Variants in PLXNA4 observed in about 807,000 individuals in gnomAD.
The protein encoded by PLXNA4 is plexin-A4.
Under a neutral mutation model 191.8 loss-of-function variants are expected in PLXNA4, and 44 were observed. The observed-to-expected ratio is 0.23, with a 90% CI of 0.18 to 0.29. The LOEUF (loss-of-function observed/expected upper bound fraction) is 0.29. Among genes scored for constraint, PLXNA4 ranks in the 10% least tolerant of loss-of-function variants. The pLI is 1.00. For synonymous variants in PLXNA4, 1,082 were observed against 1,009.5 expected, an observed-to-expected ratio of 1.07 and a Z score of -1.36; for missense variants, 1,800 against 2,488.8, an observed-to-expected ratio of 0.72 and a Z score of 5.89.
intron 22 of PLXNA4, among the ~76,000 whole-genome samples, chr7:132,165,788 A>C (rs1452259768): frequency 1.3e-5 from 2 of 152,148 alleles, no homozygotes; most frequent in Non-Finnish European, 2.9e-5. Context: ...TGGCAGGAGA[A>C]GGGTTCCATG....
chr7:132,603,257 A>AT lies in PLXNA4; in HGVS notation c.-87+42670_-87+42671insA, dbSNP rs563529387. 6.0e-3 allele frequency among the ~76,000 whole-genome samples: 901 copies of AT among 149,294 alleles called. 7 individuals are homozygous for AT. Among genetic ancestry groups the AT allele is most frequent in the Middle Eastern group, 0.041 (12 of 290 alleles). ...TCTGTATTCTCTTTATTGAAAAAAA[A>AT]ATATCAAATGGACTGCAGAGATTAA... is the stretch of plus-strand genomic sequence containing the variant. On this transcript the variant is annotated intron_variant, in intron 2 of 4. Coordinates refer to the PLXNA4 transcript ENST00000378539.
In PLXNA4 at chr7:132,561,549, CCTCCTCCTT is replaced by C. The variant is rs1563172729; in HGVS notation, c.-87+14864_-87+14872del. Among the ~76,000 whole-genome samples the C allele has an allele frequency of 1.2e-3, 138 of 118,158 alleles. 2 individuals are homozygous for C. The highest frequency in any genetic ancestry group is 4.1e-3 in the African/African-American group (120 of 29,424). 77.5% of individuals were successfully genotyped at this position (118,158 alleles called of 152,430 possible). A position where few individuals can be genotyped will look rare whatever the true frequency, so the allele number is the denominator to read the frequency against. ...TCCTCCTCCTTCTCCTCCTCCTTCT[CCTCCTCCTT>C]CTCCTCCTCCTTTCCCCTCCTCCTC... On this transcript the variant is annotated intron_variant, in intron 1 of 31. Coordinates refer to ENST00000321063, the MANE Select transcript of PLXNA4 (RefSeq NM_020911.2).
chr7:132,538,177 G>A (rs1019357124), intron 1 of PLXNA4, among the ~76,000 whole-genome samples: 54 of 152,192 alleles, frequency 3.5e-4, no homozygotes, highest in African/African-American at 1.3e-3. Context: ...CTGCTTCCAC[G>A]AGCACCTGCA....
At chr7:132,188,711 A>G (rs1192177827) in intron 14 of PLXNA4, among the ~76,000 whole-genome samples, 1 of 152,042 alleles carries the variant, frequency 6.6e-6, no homozygotes, top group East Asian at 1.9e-4. Flanking sequence ...TGGCTCAACC[A>G]GAGACCAGGA....
At chr7:132,610,577 C>A (rs1803026163) in intron 2 of PLXNA4, among the ~76,000 whole-genome samples, 1 of 152,238 alleles carries the variant, frequency 6.6e-6, no homozygotes, top group Non-Finnish European at 1.5e-5. Flanking sequence ...TCTCTGCTGT[C>A]TGCAGCAACC....
At chr7:132,521,897 C>T (rs1368481250) in intron 1 of PLXNA4, among the ~76,000 whole-genome samples, 2 of 152,188 alleles carry the variant, frequency 1.3e-5, no homozygotes, top group African/African-American at 4.8e-5. Context: ...ATGCCCTCTT[C>T]CTTTTTCAGG....
At chr7:132,294,794 C>G (rs78595096) in intron 4 of PLXNA4, among the ~76,000 whole-genome samples, 2,288 of 152,230 alleles carry the variant, frequency 0.015, 52 homozygotes, top group African/African-American at 0.052. Flanking sequence ...GACTGGTGCT[C>G]TTAGAAGAAG....
chr7:132,271,845 TC>T (rs1370452655), intron 4 of PLXNA4, among the ~76,000 whole-genome samples: 1 of 151,834 alleles, frequency 6.6e-6, no homozygotes, highest in African/African-American at 2.4e-5. Context: ...AAGTAGAAAC[TC>T]TAAACTACAG....
chr7:132,143,441 C>G (rs2116554237), intron 29 of PLXNA4, among the ~76,000 whole-genome samples: 1 of 152,288 alleles, frequency 6.6e-6, no homozygotes, highest in African/African-American at 2.4e-5. Flanking sequence ...GTTTAGATAC[C>G]ATTGTAGGTG....
In PLXNA4 at chr7:132,469,222, G is replaced by A. The variant is rs180759521; in HGVS notation, c.1371+20070C>T. ...GCACAATGTCACGATGTAATACAAG[G>A]GCATGGGTTTTGGAGTCTGTGGATG... is the stretch of plus-strand genomic sequence containing the variant. On this transcript the variant is annotated intron_variant, in intron 3 of 31. Coordinates refer to ENST00000321063, the MANE Select transcript of PLXNA4 (RefSeq NM_020911.2). 6.4e-3 allele frequency among the ~76,000 whole-genome samples: 976 copies of A among 152,158 alleles called. 4 individuals are homozygous for A. The highest frequency in any genetic ancestry group is 0.021 in the South Asian group (100 of 4,808).
At chr7:132,466,580 G>A (rs1267534158) in intron 3 of PLXNA4, among the ~76,000 whole-genome samples, 1 of 152,310 alleles carries the variant, frequency 6.6e-6, no homozygotes, top group East Asian at 1.9e-4. Flanking sequence ...CCCCCTTCAC[G>A]CTGAGCCCCA....
chr7:132,305,358 AAGAAC>A (rs1246271981), intron 3 of PLXNA4, among the ~76,000 whole-genome samples: 5 of 139,576 alleles, frequency 3.6e-5, no homozygotes, highest in African/African-American at 1.4e-4. Flanking sequence ...GCAGCTTACC[AAGAAC>A]ACACACACAC....
intron 1 of PLXNA4, among the ~76,000 whole-genome samples, chr7:132,517,805 G>A: frequency 6.6e-6 from 1 of 152,216 alleles, no homozygotes; most frequent in East Asian, 1.9e-4. Context: ...AAGTGTGTGT[G>A]CAGCTGAGGG....
At chr7:132,647,389 A>G (rs1803895650) in intron 1 of PLXNA4, among the ~76,000 whole-genome samples, 1 of 152,002 alleles carries the variant, frequency 6.6e-6, no homozygotes, top group South Asian at 2.1e-4. Context: ...TCATGCACAT[A>G]TACACTCTCA....
intron 2 of PLXNA4, among the ~76,000 whole-genome samples, chr7:132,634,117 C>A (rs999654711): frequency 6.6e-6 from 1 of 152,100 alleles, no homozygotes; most frequent in African/African-American, 2.4e-5. Flanking sequence ...AGCCTCATTC[C>A]TTATCTATGA....
chr7:132,542,194 G>A (rs181733300), intron 1 of PLXNA4, among the ~76,000 whole-genome samples: 2 of 152,310 alleles, frequency 1.3e-5, no homozygotes, highest in African/African-American at 2.4e-5. Context: ...CTGGAACTAA[G>A]TAAGCACTTG....
intron 3 of PLXNA4, among the ~76,000 whole-genome samples, chr7:132,306,140 G>A (rs1186647083): frequency 6.6e-6 from 1 of 152,198 alleles, no homozygotes; most frequent in East Asian, 1.9e-4. Flanking sequence ...AGGGCCAGAG[G>A]TGGAGGGGCT....
intron 2 of PLXNA4, among the ~76,000 whole-genome samples, chr7:132,585,375 T>C (rs1044816522): frequency 6.6e-6 from 1 of 152,150 alleles, no homozygotes; most frequent in Admixed American, 6.5e-5. Context: ...TATCAGGAAC[T>C]GTGTAGGGAG....
chr7:132,529,986 C>T (rs1172549141), intron 1 of PLXNA4, among the ~76,000 whole-genome samples: 1 of 152,186 alleles, frequency 6.6e-6, no homozygotes, highest in Non-Finnish European at 1.5e-5. Context: ...GATGAGGAAG[C>T]AGTCCCAGGG....
Sources: gnomAD v4.1 joint callset for allele counts (sites outside exome capture counted in the v4.1 genomes callset) on GRCh38, gnomAD v4.1.1 for gene constraint, MANE v1.5 for transcripts, NCBI Gene and HGNC (gene_info 2026-07-23, HGNC 2026-07-21) for gene names.